Variants in PCDH11X observed in about 807,000 individuals in gnomAD.
The protein encoded by PCDH11X is protocadherin 11 X-linked, also known as protocadherin-11 X-linked.
Under a neutral mutation model 53.3 loss-of-function variants are expected in PCDH11X, and 18 were observed. The observed-to-expected ratio is 0.34, with a 90% CI of 0.23 to 0.50. The LOEUF (loss-of-function observed/expected upper bound fraction) is 0.50, where lower values mean the gene tolerates loss of function less well. Ranked by LOEUF, PCDH11X falls within the 20% of genes least tolerant of loss-of-function variation. The probability of loss-of-function intolerance (pLI) is 0.98; values close to 1 mark genes in which losing one functional copy is unlikely to be tolerated. For synonymous variants in PCDH11X, 279 were observed against 393.3 expected (o/e 0.71, Z 3.44); for missense variants, 570 against 1,032.4 (o/e 0.55, Z 6.14).
chrX:92,288,453 C>A (rs1450127823), intron 8 of PCDH11X, among the ~76,000 whole-genome samples: 1 of 105,623 alleles, frequency 9.5e-6, no homozygotes, highest in Non-Finnish European at 1.9e-5. Context: ...GCAGTGGCAG[C>A]CTCCACCTCC....
chrX:92,295,786 A>G (rs1306678983), intron 8 of PCDH11X, among the ~76,000 whole-genome samples: 1 of 99,069 alleles, frequency 1.0e-5, no homozygotes, highest in Non-Finnish European at 2.1e-5. Flanking sequence ...TGTCTATTAA[A>G]AAGATCATGT....
intron 8 of PCDH11X, among the ~76,000 whole-genome samples, chrX:92,315,236 CAT>C (rs2069049490): frequency 8.9e-6 from 1 of 112,218 alleles, no homozygotes; most frequent in African/African-American, 3.2e-5. Context: ...TATTCTGTAA[CAT>C]GTGCTATTTA....
chrX:92,103,483 T>C (rs1405627719), intron 6 of PCDH11X, among the ~76,000 whole-genome samples: 2 of 111,444 alleles, frequency 1.8e-5, no homozygotes, highest in Non-Finnish European at 3.8e-5. Context: ...ACGGGGCTTC[T>C]GAGGCGATCG....
intron 7 of PCDH11X, among the ~76,000 whole-genome samples, chrX:92,224,833 A>T (rs922616388): frequency 2.7e-5 from 3 of 112,369 alleles, no homozygotes; most frequent in Non-Finnish European, 1.9e-5. Flanking sequence ...TAAAATTTAC[A>T]CTTAATCACT....
At chrX:92,347,369 A>G (rs745686178) in intron 8 of PCDH11X, among the ~76,000 whole-genome samples, 2 of 112,221 alleles carry the variant, frequency 1.8e-5, no homozygotes, top group South Asian at 3.7e-4. Flanking sequence ...TTAATAGTTC[A>G]TAAAGAAGAC....
rs1373561087 is a variant in PCDH11X, at chrX:92,295,218, G to A, written c.3144+32075G>A. 1.3e-4 allele frequency among the ~76,000 whole-genome samples: 14 copies of A among 111,026 alleles called. No individual in the cohort carries two copies. The East Asian group carries it at 1.7e-3, about 14-fold the overall frequency. ...TGTAAGTAATCATAGAACTGAGAAA[G>A]CATTAAAATGATATAAATCTGCCCA... On this transcript the variant is annotated intron_variant, in intron 8 of 10. Coordinates refer to ENST00000682573, the MANE Select transcript of PCDH11X (RefSeq NM_032968.5).
chrX:92,003,967 G>A (rs2062554282), intron 6 of PCDH11X, among the ~76,000 whole-genome samples: 1 of 108,371 alleles, frequency 9.2e-6, no homozygotes, highest in Admixed American at 1.0e-4. Context: ...CTTTAAGATG[G>A]ATTATTACAT....
At chrX:92,048,948 G>C (rs1046178894) in intron 6 of PCDH11X, among the ~76,000 whole-genome samples, 4 of 111,987 alleles carry the variant, frequency 3.6e-5, no homozygotes, top group Non-Finnish European at 7.5e-5. Flanking sequence ...AGGCTTCCAG[G>C]CTATTGGTAA....
At chrX:92,323,834 T>C (rs2148495998) in intron 8 of PCDH11X, among the ~76,000 whole-genome samples, 1 of 111,537 alleles carries the variant, frequency 9.0e-6, no homozygotes, top group East Asian at 2.8e-4. Flanking sequence ...TGGATTTCTC[T>C]CTGTTTCAAC....
At chrX:92,467,296 T>A (rs2073174791) in intron 9 of PCDH11X, among the ~76,000 whole-genome samples, 1 of 111,384 alleles carries the variant, frequency 9.0e-6, no homozygotes, top group Non-Finnish European at 1.9e-5. Context: ...AACATTACTT[T>A]CACCTCTATT....
At chrX:92,377,489 T>G (rs2070777915) in intron 8 of PCDH11X, among the ~76,000 whole-genome samples, 1 of 111,453 alleles carries the variant, frequency 9.0e-6, no homozygotes, top group Admixed American at 9.6e-5. Context: ...CAAGCAATAA[T>G]CAATTCTTAT....
chrX:92,191,355 T>G (rs1250537383), intron 6 of PCDH11X, among the ~76,000 whole-genome samples: 1 of 112,372 alleles, frequency 8.9e-6, no homozygotes, highest in Non-Finnish European at 1.9e-5. Flanking sequence ...TTCGTCCTTT[T>G]GTTCTTTATT....
chrX:92,330,135 T>A lies in PCDH11X; in HGVS notation c.3145-57600T>A, dbSNP rs184225142. ...CTACTATATACCCGCAAATTAAAAATTTAAAAAAAAACTTAGAATGAAAAG... is the reference window on the plus strand; with the variant it reads ...CTACTATATACCCGCAAATTAAAAAATTAAAAAAAAACTTAGAATGAAAAG... On this transcript the variant is annotated intron_variant, in intron 8 of 10. Transcript: ENST00000682573. Among the ~76,000 whole-genome samples the A allele has an allele frequency of 6.8e-3, 742 of 109,782 alleles. 8 individuals are homozygous for A. Among genetic ancestry groups the A allele is most frequent in the African/African-American group, 0.024 (722 of 30,370 alleles).
At chrX:92,228,976 C>T (rs62600688) in intron 7 of PCDH11X, among the ~76,000 whole-genome samples, 1 of 111,388 alleles carries the variant, frequency 9.0e-6, no homozygotes, top group African/African-American at 3.3e-5. Context: ...AAGAGTATTT[C>T]TTTCCTCCAA....
At chrX:92,188,704 A>G (rs997370628) in intron 6 of PCDH11X, among the ~76,000 whole-genome samples, 1 of 111,977 alleles carries the variant, frequency 8.9e-6, no homozygotes, top group African/African-American at 3.2e-5. Context: ...TAAAAGTCTT[A>G]AAAGTAAAGT....
chrX:92,509,789 C>G (rs1046824615), intron 10 of PCDH11X, among the ~76,000 whole-genome samples: 1 of 111,525 alleles, frequency 9.0e-6, no homozygotes, highest in African/African-American at 3.3e-5. Flanking sequence ...AATTGTTCAG[C>G]TAGCCAAAAA....
chrX:92,306,955 G>T (rs1295842367), intron 8 of PCDH11X, among the ~76,000 whole-genome samples: 2 of 110,147 alleles, frequency 1.8e-5, no homozygotes, highest in Non-Finnish European at 3.8e-5. Flanking sequence ...ATTGGGAGGG[G>T]AAGGGGAACA....
chrX:92,568,379 G>T (rs1367806721), intron 10 of PCDH11X, among the ~76,000 whole-genome samples: 3 of 107,986 alleles, frequency 2.8e-5, no homozygotes, highest in Non-Finnish European at 5.7e-5. Flanking sequence ...CCGAGATGGC[G>T]CCACTGCATT....
At chrX:92,255,168 C>G (rs1230567472) in intron 7 of PCDH11X, among the ~76,000 whole-genome samples, 138 of 107,813 alleles carry the variant, frequency 1.3e-3, no homozygotes, top group Non-Finnish European at 2.1e-3. Context: ...CTAAACTTCC[C>G]TTCTCGCTTC....
Sources: gnomAD v4.1 joint callset for allele counts (sites outside exome capture counted in the v4.1 genomes callset) on GRCh38, gnomAD v4.1.1 for gene constraint, MANE v1.5 for transcripts, NCBI Gene and HGNC (gene_info 2026-07-23, HGNC 2026-07-21) for gene names.